SIDT1: variants seen among roughly 807,000 people sequenced by gnomAD.
The protein encoded by SIDT1 is SID1 transmembrane family member 1.
In SIDT1, 101 loss-of-function variants were observed where a neutral mutation model predicts 107.5. The observed-to-expected ratio is 0.94, with a 90% CI of 0.80 to 1.11. The LOEUF (loss-of-function observed/expected upper bound fraction) is 1.11. Among genes scored for constraint, SIDT1 ranks in the 50% least tolerant of loss-of-function variants. SIDT1 has a pLI of 0.00. For missense variants in SIDT1, 1,076 were observed against 1,058.2 expected (o/e 1.02, Z -0.23); for synonymous variants, 395 against 398.2 (o/e 0.99, Z 0.10).
At chr3:113,570,437 G>C (rs964175421) in intron 3 of SIDT1, among the ~76,000 whole-genome samples, 2 of 146,318 alleles carry the variant, frequency 1.4e-5, no homozygotes, top group Non-Finnish European at 3.0e-5. Flanking sequence ...TTGAATTGTA[G>C]GAATGGTCTT....
intron 1 of SIDT1, among the ~76,000 whole-genome samples, chr3:113,540,575 T>G (rs1201186766): frequency 6.6e-6 from 1 of 152,202 alleles, no homozygotes; most frequent in Non-Finnish European, 1.5e-5. Context: ...TGTCAACTTG[T>G]TAGGCTCATT....
intron 1 of SIDT1, among the ~76,000 whole-genome samples, chr3:113,562,777 T>C (rs1014836933): frequency 5.3e-5 from 8 of 152,202 alleles, no homozygotes; most frequent in African/African-American, 1.9e-4. Context: ...AATTAGACAT[T>C]GGTGATGGTC....
At chr3:113,576,167 C>T (rs1942883420) in intron 3 of SIDT1, among the ~76,000 whole-genome samples, 1 of 152,230 alleles carries the variant, frequency 6.6e-6, no homozygotes, top group Admixed American at 6.5e-5. Flanking sequence ...TAACTCTTCA[C>T]ACTCTCCTTT....
intron 17 of SIDT1, among the ~76,000 whole-genome samples, chr3:113,610,335 A>G (rs764749981): frequency 2.0e-5 from 3 of 152,194 alleles, no homozygotes; most frequent in Non-Finnish European, 4.4e-5. Context: ...TCTCCAGAGC[A>G]TTAATTCCCA....
At chr3:113,533,831 C>T (rs573854728) in intron 1 of SIDT1, among the ~76,000 whole-genome samples, 18 of 152,252 alleles carry the variant, frequency 1.2e-4, no homozygotes, top group African/African-American at 4.3e-4. Flanking sequence ...TGGGCAAAGA[C>T]GTGAGAACTG....
In SIDT1 at chr3:113,534,095, GAGAGAC is replaced by G. The variant is rs530837326; in HGVS notation, c.222+871_222+876del. Among the ~76,000 whole-genome samples, 333 of 152,264 alleles carry G rather than the reference GAGAGAC, an allele frequency of 2.2e-3. 1 individual carries two copies. Among genetic ancestry groups the G allele is most frequent in the African/African-American group, 7.4e-3 (307 of 41,544 alleles). On this transcript the variant is annotated intron_variant, in intron 1 of 24. Coordinates refer to ENST00000264852, the MANE Select transcript of SIDT1 (RefSeq NM_017699.3). ...GGAGACAGAGAGAGAAAGAGAGAAA[GAGAGAC>G]AGAGACAGAGACAGAGACTCCCCAG... is the stretch of plus-strand genomic sequence containing the variant.
At chr3:113,610,461 T>C (rs989173177) in intron 17 of SIDT1, among the ~76,000 whole-genome samples, 4 of 152,248 alleles carry the variant, frequency 2.6e-5, no homozygotes, top group Non-Finnish European at 5.9e-5. Flanking sequence ...TGCATTGTTA[T>C]CTTAATTTGC....
chr3:113,551,472 A>C (rs1281403954), intron 1 of SIDT1, among the ~76,000 whole-genome samples: 1 of 152,240 alleles, frequency 6.6e-6, no homozygotes, highest in Non-Finnish European at 1.5e-5. Context: ...TTTCCTCAAG[A>C]TAGTTGTACT....
intron 1 of SIDT1, among the ~76,000 whole-genome samples, chr3:113,541,523 C>T (rs1000318818): frequency 4.6e-5 from 7 of 152,112 alleles, no homozygotes; most frequent in East Asian, 1.9e-4. Flanking sequence ...CCAATCATTT[C>T]GATTGTCTAA....
intron 1 of SIDT1, among the ~76,000 whole-genome samples, chr3:113,544,260 G>A (rs1939304478): frequency 2.0e-5 from 3 of 151,938 alleles, no homozygotes; most frequent in South Asian, 2.1e-4. Flanking sequence ...GCATGATCTC[G>A]GCTCACTGCA....
At chr3:113,621,906 AC>A (rs1946485997) in intron 21 of SIDT1, among the ~76,000 whole-genome samples, 1 of 152,184 alleles carries the variant, frequency 6.6e-6, no homozygotes, top group African/African-American at 2.4e-5. Flanking sequence ...GATATTGCAG[AC>A]TTGAAATGTG....
intron 17 of SIDT1, 100 bp downstream of exon 17, chr3:113,608,636 C>T: frequency 1.2e-6 from 1 of 825,352 alleles, no homozygotes; most frequent in South Asian, 1.4e-5. Context: ...GATCAAATGG[C>T]ATTTTATGTG....
intron 20 of SIDT1, among the ~76,000 whole-genome samples, 187 bp downstream of exon 20, chr3:113,616,363 A>G (rs970799687): frequency 3.3e-5 from 5 of 152,208 alleles, no homozygotes; most frequent in African/African-American, 1.2e-4. Context: ...TCAAGCTAAC[A>G]TGGTCCCATT....
intron 3 of SIDT1, 191 bp downstream of exon 3, chr3:113,567,901 A>G (rs2292510): frequency 0.25 from 133,975 of 531,882 alleles, 19,469 homozygotes; most frequent in East Asian, 0.61. Flanking sequence ...GTGGGAGTGC[A>G]GAAGGTAAGA....
At chr3:113,550,951 T>A (rs1940165297) in intron 1 of SIDT1, among the ~76,000 whole-genome samples, 1 of 152,146 alleles carries the variant, frequency 6.6e-6, no homozygotes, top group Non-Finnish European at 1.5e-5. Context: ...TGTGTGTTGC[T>A]CCCCTCTATG....
intron 13 of SIDT1, among the ~76,000 whole-genome samples, chr3:113,604,255 C>T (rs1016518151): frequency 6.6e-6 from 1 of 152,214 alleles, no homozygotes; most frequent in East Asian, 1.9e-4. Context: ...TCTTCTCTCC[C>T]CTCAGAAACC....
intron 1 of SIDT1, among the ~76,000 whole-genome samples, chr3:113,565,222 G>A (rs1467135075): frequency 1.3e-5 from 2 of 152,110 alleles, no homozygotes; most frequent in Admixed American, 1.3e-4. Context: ...CTTACATGTT[G>A]CCTATGGTAT....
At chr3:113,548,051 G>C (rs1478244424) in intron 1 of SIDT1, among the ~76,000 whole-genome samples, 1 of 151,960 alleles carries the variant, frequency 6.6e-6, no homozygotes, top group East Asian at 1.9e-4. Flanking sequence ...TTGATACCTT[G>C]GACCTTCAAG....
At chr3:113,615,570 ATGATTGTT>A (rs1281511860) in intron 19 of SIDT1, among the ~76,000 whole-genome samples, 2 of 152,200 alleles carry the variant, frequency 1.3e-5, no homozygotes, top group African/African-American at 2.4e-5. Flanking sequence ...CCTTCACTTG[ATGATTGTT>A]TCAGTTCAGA....
Sources: allele counts gnomAD v4.1 joint callset (sites outside exome capture counted in the v4.1 genomes callset), GRCh38; gene constraint gnomAD v4.1.1; transcripts MANE v1.5; gene names NCBI Gene and HGNC (gene_info 2026-07-23, HGNC 2026-07-21).